MEP1B: variants seen among roughly 807,000 people sequenced by gnomAD.
MEP1B encodes N-benzoyl-L-tyrosyl-P-amino-benzoic acid hydrolase subunit beta.
In MEP1B, 80 loss-of-function variants were observed where a neutral mutation model predicts 84.6. That is an observed-to-expected ratio of 0.95 (90% CI 0.79 to 1.14). The LOEUF is 1.14. MEP1B is among the 50% of genes most tolerant of loss of function. The probability of loss-of-function intolerance (pLI) is 0.00; values close to 1 mark genes in which losing one functional copy is unlikely to be tolerated. For missense variants in MEP1B, 766 were observed against 855.1 expected (o/e 0.90, Z 1.30); for synonymous variants, 273 against 288.1 (o/e 0.95, Z 0.53).
At chr18:32,209,008 A>G (rs1013111978) in intron 9 of MEP1B, among the ~76,000 whole-genome samples, 1 of 152,106 alleles carries the variant, frequency 6.6e-6, no homozygotes, top group African/African-American at 2.4e-5. Context: ...AGGGAGGGGG[A>G]AAAGAAGAAG....
At chr18:32,215,986 A>G (rs1326796334) in intron 12 of MEP1B, among the ~76,000 whole-genome samples, 1 of 7,350 alleles carries the variant, frequency 1.4e-4, no homozygotes, top group Non-Finnish European at 2.2e-4. Flanking sequence ...ATATATATAT[A>G]TATATATATA....
chr18:32,205,400 A>G (rs893350824), intron 7 of MEP1B, among the ~76,000 whole-genome samples: 1 of 152,200 alleles, frequency 6.6e-6, no homozygotes, highest in Non-Finnish European at 1.5e-5. Context: ...GGGCATTGCT[A>G]TTATGTCTGA....
At chr18:32,193,649 C>T (rs1057343121) in intron 4 of MEP1B, among the ~76,000 whole-genome samples, 3 of 152,112 alleles carry the variant, frequency 2.0e-5, no homozygotes, top group Non-Finnish European at 4.4e-5. Flanking sequence ...CACCATGTGG[C>T]CTAGAAATTA....
chr18:32,216,752 T>C (rs141622645), intron 12 of MEP1B, among the ~76,000 whole-genome samples: 5 of 152,176 alleles, frequency 3.3e-5, no homozygotes, highest in African/African-American at 7.2e-5. Context: ...AAACTTAAGA[T>C]TGGGCTTGGC....
chr18:32,210,926 G>A (rs335519), intron 10 of MEP1B, among the ~76,000 whole-genome samples: 81,885 of 152,024 alleles, frequency 0.54, 23,491 homozygotes, highest in East Asian at 0.88. Context: ...TTAAGAAACT[G>A]TAGATCAGTC....
intron 7 of MEP1B, 74 bp downstream of exon 7, chr18:32,204,434 G>A (rs1694820798): frequency 5.6e-6 from 7 of 1,254,918 alleles, no homozygotes; most frequent in Non-Finnish European, 7.8e-6. Context: ...CTTGTCATCT[G>A]TGGCAACTGT....
intron 12 of MEP1B, among the ~76,000 whole-genome samples, chr18:32,216,422 G>A (rs1229840886): frequency 6.6e-6 from 1 of 152,202 alleles, no homozygotes; most frequent in Non-Finnish European, 1.5e-5. Flanking sequence ...CTGGTTGTCA[G>A]GGCACTTGGT....
rs1319975611 is a variant in MEP1B at position 32,215,165 on chromosome 18, G to A, written c.1663G>A (p.Gly555Arg). ...FSNGTQFRRG[G>R]GYGTSAFITH... The stretch of plus-strand genomic sequence containing the variant: ...TAATGGAACTCAGTTTAGAAGAGGT[G>A]GGGGCTATGGAACCAGTGCCTTTAT... The change falls in exon 12 of 15, where the codon GGG (glycine) becomes AGG (arginine). Residue 555 changes from glycine to arginine, a missense_variant. Physicochemically the swap from Gly to Arg is moderately radical, Grantham distance 125. Coordinates refer to ENST00000269202, the MANE Select transcript of MEP1B (RefSeq NM_005925.3). 6.2e-7 allele frequency: 1 copy of A among 1,611,150 alleles called. No individual in the cohort carries two copies. The highest frequency in any genetic ancestry group is 2.2e-5 in the East Asian group (1 of 44,834).
chr18:32,211,069 G>T (rs1466815976), intron 10 of MEP1B, among the ~76,000 whole-genome samples: 12 of 152,146 alleles, frequency 7.9e-5, no homozygotes, highest in Admixed American at 7.2e-4. Flanking sequence ...TTTGAGACCA[G>T]ACTGGTCAAC....
rs145879124 is a variant in MEP1B, at chr18:32,203,018, G to A, written c.368+8G>A. 4 of 1,523,350 alleles carry A rather than the reference G, an allele frequency of 2.6e-6. No homozygotes were observed. The highest frequency in any genetic ancestry group is 3.6e-6 in the Non-Finnish European group (4 of 1,102,444). 94.4% of individuals were successfully genotyped at this position (1,523,350 alleles called of 1,614,324 possible). A position where few individuals can be genotyped will look rare whatever the true frequency, so the allele number is the denominator to read the frequency against. On this transcript the variant is annotated splice_region_variant and intron_variant, in intron 6 of 14. Coordinates refer to ENST00000269202, the MANE Select transcript of MEP1B (RefSeq NM_005925.3). ...AGTGTTCAAGGGCAGTGGGTAAGTT[G>A]CAGACTTAGTCTTCTAAGGCATCTA...
At chr18:32,205,858 T>A (rs2040959281) in intron 7 of MEP1B, among the ~76,000 whole-genome samples, 1 of 152,248 alleles carries the variant, frequency 6.6e-6, no homozygotes, top group Non-Finnish European at 1.5e-5. Context: ...CAACGTGGAA[T>A]GACTAAAACA....
At chr18:32,193,262 A>G (rs187712911) in intron 4 of MEP1B, among the ~76,000 whole-genome samples, 1 of 152,310 alleles carries the variant, frequency 6.6e-6, no homozygotes, top group Non-Finnish European at 1.5e-5. Flanking sequence ...TGCCAAGTTA[A>G]GACCCTCCCA....
At chr18:32,205,424 G>A (rs1299062358) in intron 7 of MEP1B, among the ~76,000 whole-genome samples, 1 of 152,160 alleles carries the variant, frequency 6.6e-6, no homozygotes, top group Non-Finnish European at 1.5e-5. Context: ...ACTGTGAGGA[G>A]TGCCCTATAC....
chr18:32,203,147 A>G (rs1197038124), intron 6 of MEP1B, 137 bp downstream of exon 6: 1 of 538,122 alleles, frequency 1.9e-6, no homozygotes, highest in Non-Finnish European at 3.3e-6. Context: ...AGAGTAAAAA[A>G]CAACTGGATC....
At chr18:32,195,291 A>G in intron 4 of MEP1B, 116 bp from the exon 5 acceptor site, 1 of 644,346 alleles carries the variant, frequency 1.6e-6, no homozygotes, top group Non-Finnish European at 2.8e-6. Context: ...CACACACACA[A>G]TTTGTTTGTG....
chr18:32,213,606 G>T (rs1384329208), intron 11 of MEP1B, 47 bp downstream of exon 11: 2 of 1,419,902 alleles, frequency 1.4e-6, no homozygotes, highest in Non-Finnish European at 2.0e-6. Context: ...CATTGCTCTA[G>T]GAGGGACTGA....
chr18:32,215,372 TG>T, intron 12 of MEP1B, 111 bp downstream of exon 12: 2 of 584,518 alleles, frequency 3.4e-6, no homozygotes, highest in South Asian at 3.6e-5. Context: ...TATAGAGATG[TG>T]GGGGGAATGG....
rs1355542959 is a variant in MEP1B, at chr18:32,196,660, G to T, written c.250+1175G>T. ...ATGTTGTCCAGCACGCCACCTCGGG[G>T]TGTCTTCCCCAAGCACCAGCGCATG... On this transcript the variant is annotated intron_variant, in intron 5 of 14. Transcript: ENST00000269202. The surrounding 1 kb of genome is among the most constrained non-coding windows in gnomAD (Gnocchi z 4.4). 8 of 675,092 alleles carry T rather than the reference G, an allele frequency of 1.2e-5. No individual in the cohort carries two copies. The highest frequency in any genetic ancestry group is 6.4e-5 in the South Asian group (4 of 62,168). 41.8% of individuals were successfully genotyped at this position (675,092 alleles called of 1,614,324 possible).
At chr18:32,192,480 G>A (rs777225851) in intron 2 of MEP1B, among the ~76,000 whole-genome samples, 166 bp from the exon 3 acceptor site, 73 of 152,120 alleles carry the variant, frequency 4.8e-4, no homozygotes, top group Admixed American at 9.2e-4. Flanking sequence ...TGGCTCATAG[G>A]AGATTCTTAA....
Sources: gnomAD v4.1 joint callset for allele counts (sites outside exome capture counted in the v4.1 genomes callset) on GRCh38, gnomAD v4.1.1 for gene constraint, Gnocchi (gnomAD v3.1) non-coding constraint, MANE v1.5 for transcripts, NCBI Gene and HGNC (gene_info 2026-07-23, HGNC 2026-07-21) for gene names.